Variants in MAP2 observed in about 807,000 individuals in gnomAD.
MAP2 encodes the protein microtubule-associated protein 2.
A neutral mutation model predicts 137.6 loss-of-function variants in MAP2; 14 were observed. That is an observed-to-expected ratio of 0.10 (90% CI 0.07 to 0.16). The LOEUF is 0.16. Among genes scored for constraint, MAP2 ranks in the 10% least tolerant of loss-of-function variants. The probability of loss-of-function intolerance (pLI) is 1.00; values close to 1 mark genes in which losing one functional copy is unlikely to be tolerated. For synonymous variants in MAP2, 786 were observed against 782.3 expected (o/e 1.00, Z -0.08); for missense variants, 2,088 against 2,191.5 (o/e 0.95, Z 0.94).
chr2:209,578,128 G>A (rs1009920696), intron 2 of MAP2, among the ~76,000 whole-genome samples: 1 of 152,168 alleles, frequency 6.6e-6, no homozygotes, highest in Non-Finnish European at 1.5e-5. Context: ...ATCAGGAAAC[G>A]CTGCGGGTGC....
At chr2:209,572,588 T>G (rs1015990199) in intron 2 of MAP2, among the ~76,000 whole-genome samples, 2 of 152,108 alleles carry the variant, frequency 1.3e-5, no homozygotes, top group Non-Finnish European at 2.9e-5. Context: ...AAATATCAAA[T>G]AGACAACAAG....
At chr2:209,715,788 A>G (rs966406875) in intron 13 of MAP2, among the ~76,000 whole-genome samples, 7 of 152,258 alleles carry the variant, frequency 4.6e-5, no homozygotes, top group Admixed American at 4.6e-4. Context: ...CAGCAAGTAC[A>G]TCAGTGTGAC....
In MAP2 at chr2:209,659,899, G is replaced by T. The variant is rs534498146; in HGVS notation, c.262+6467G>T. On this transcript the variant is annotated intron_variant, in intron 5 of 15. Transcript: ENST00000682079. ...TGAAAATAGAAAAAATTAGCCGGGC[G>T]TGGTGGCGGGCGCGTGTAGTCCCAG... is the stretch of plus-strand genomic sequence containing the variant. 2.8e-3 allele frequency among the ~76,000 whole-genome samples: 429 copies of T among 152,142 alleles called. 2 individuals carry two copies. Among genetic ancestry groups the T allele is most frequent in the Non-Finnish European group, 2.6e-3 (176 of 67,986 alleles).
chr2:209,716,057 T>C (rs1340778605), intron 13 of MAP2, among the ~76,000 whole-genome samples: 2 of 152,182 alleles, frequency 1.3e-5, no homozygotes, highest in African/African-American at 4.8e-5. Context: ...TTGCTGATAT[T>C]GTCGCAATTG....
intron 5 of MAP2, among the ~76,000 whole-genome samples, chr2:209,671,019 A>G (rs575223994): frequency 6.6e-6 from 1 of 152,092 alleles, no homozygotes; most frequent in African/African-American, 2.4e-5. Context: ...TGCCATCATA[A>G]TTCTTTTATC....
intron 7 of MAP2, among the ~76,000 whole-genome samples, chr2:209,686,719 C>A (rs1035610888): frequency 6.6e-6 from 1 of 151,980 alleles, no homozygotes; most frequent in African/African-American, 2.4e-5. Flanking sequence ...TTAAATAATG[C>A]AAATTTCCTA....
At chr2:209,629,988 T>C (rs981247559) in intron 4 of MAP2, among the ~76,000 whole-genome samples, 6 of 152,184 alleles carry the variant, frequency 3.9e-5, no homozygotes, top group African/African-American at 1.2e-4. Flanking sequence ...GGTGCTGTTA[T>C]TAAGTCTTGT....
intron 1 of MAP2, among the ~76,000 whole-genome samples, chr2:209,436,015 T>TA (rs1696102800): frequency 1.1e-5 from 1 of 90,312 alleles, no homozygotes; most frequent in Non-Finnish European, 1.9e-5. Context: ...ACAGTATATA[T>TA]TATATATAAA....
chr2:209,486,932 A>T (rs2058462703), intron 1 of MAP2, among the ~76,000 whole-genome samples: 1 of 152,210 alleles, frequency 6.6e-6, no homozygotes, highest in Non-Finnish European at 1.5e-5. Flanking sequence ...TTTCAGACTT[A>T]TGGGAAACCC....
intron 1 of MAP2, among the ~76,000 whole-genome samples, chr2:209,448,284 T>A (rs1378102321): frequency 6.6e-6 from 1 of 152,136 alleles, no homozygotes; most frequent in Admixed American, 6.6e-5. Flanking sequence ...GGTAGGTAGC[T>A]GTTATAACCA....
intron 2 of MAP2, among the ~76,000 whole-genome samples, chr2:209,518,001 A>AGAGAAT (rs2062760315): frequency 6.6e-6 from 1 of 152,088 alleles, no homozygotes; most frequent in Non-Finnish European, 1.5e-5. Flanking sequence ...TACCAGGGAA[A>AGAGAAT]GAGAATTTGT....
intron 1 of MAP2, among the ~76,000 whole-genome samples, chr2:209,476,397 G>GTTT (rs5838170): frequency 1.5e-4 from 22 of 143,674 alleles, no homozygotes; most frequent in Non-Finnish European, 2.3e-4. Context: ...GTTTTTCTTA[G>GTTT]TTTTTTTTTT....
intron 1 of MAP2, among the ~76,000 whole-genome samples, chr2:209,427,809 G>A (rs1692985849): frequency 6.6e-6 from 1 of 152,070 alleles, no homozygotes; most frequent in African/African-American, 2.4e-5. Flanking sequence ...CAAAGTCAAG[G>A]GAGACAGTCT....
intron 2 of MAP2, among the ~76,000 whole-genome samples, chr2:209,563,012 A>T (rs1029317349): frequency 1.3e-5 from 2 of 152,182 alleles, no homozygotes; most frequent in African/African-American, 2.4e-5. Flanking sequence ...TATTCACATT[A>T]TGCACATTAC....
At chr2:209,496,442 C>T (rs1025530689) in intron 1 of MAP2, among the ~76,000 whole-genome samples, 1 of 152,136 alleles carries the variant, frequency 6.6e-6, no homozygotes, top group East Asian at 1.9e-4. Flanking sequence ...GGAACATGTA[C>T]CTCTGACCCT....
intron 4 of MAP2, among the ~76,000 whole-genome samples, chr2:209,626,712 A>G (rs2092374489): frequency 6.6e-6 from 1 of 152,204 alleles, no homozygotes; most frequent in Admixed American, 6.5e-5. Context: ...ATTCTTTTGC[A>G]TCTCATCTTT....
At chr2:209,574,188 C>T (rs920557801) in intron 2 of MAP2, among the ~76,000 whole-genome samples, 1 of 152,118 alleles carries the variant, frequency 6.6e-6, no homozygotes. Context: ...TAACCTACAT[C>T]TCCTCATTCC....
chr2:209,687,652 T>C (rs2057468275), intron 7 of MAP2, among the ~76,000 whole-genome samples: 1 of 152,132 alleles, frequency 6.6e-6, no homozygotes, highest in South Asian at 2.1e-4. Flanking sequence ...GTTTGTTTCG[T>C]CCGTCTGATC....
chr2:209,493,574 C>T (rs1259406760), intron 1 of MAP2, among the ~76,000 whole-genome samples: 2 of 152,144 alleles, frequency 1.3e-5, no homozygotes, highest in African/African-American at 2.4e-5. Context: ...CTACAAGGAA[C>T]TTAAACAAAT....
Sources: allele counts gnomAD v4.1 joint callset (sites outside exome capture counted in the v4.1 genomes callset), GRCh38; gene constraint gnomAD v4.1.1; transcripts MANE v1.5; gene names NCBI Gene and HGNC (gene_info 2026-07-23, HGNC 2026-07-21).